KDM4C: variants seen among roughly 807,000 people sequenced by gnomAD.
KDM4C encodes the protein lysine demethylase 4C, also known as lysine-specific demethylase 4C.
A neutral mutation model predicts 129.3 loss-of-function variants in KDM4C; 81 were observed. The observed-to-expected ratio is 0.63, with a 90% CI of 0.52 to 0.75. KDM4C has a LOEUF of 0.75. KDM4C is among the 30% of genes least tolerant of loss of function. The pLI is 0.00. For missense variants in KDM4C, 1,457 were observed against 1,304.0 expected (o/e 1.12, Z -1.81); for synonymous variants, 573 against 456.1 (o/e 1.26, Z -3.26).
intron 17 of KDM4C, among the ~76,000 whole-genome samples, chr9:7,082,797 C>G (rs1285435327): frequency 2.0e-5 from 3 of 152,086 alleles, no homozygotes; most frequent in African/African-American, 7.2e-5. Flanking sequence ...TAGCAAAACA[C>G]AGAGCTGACA....
intron 17 of KDM4C, among the ~76,000 whole-genome samples, chr9:7,079,145 G>A (rs528963496): frequency 4.6e-5 from 7 of 152,240 alleles, no homozygotes; most frequent in African/African-American, 1.7e-4. Flanking sequence ...GTCTGCCAGG[G>A]GCCAACCTTG....
chr9:7,052,898 A>AGAGAGAGAGAGAGAGC (rs1477487723), intron 17 of KDM4C, among the ~76,000 whole-genome samples: 57 of 47,520 alleles, frequency 1.2e-3, no homozygotes, highest in Non-Finnish European at 3.2e-3. Context: ...AGAGAGAGAG[A>AGAGAGAGAGAGAGAGC]GAGCGAGCGA....
chr9:6,946,744 AT>A (rs1356091803), intron 8 of KDM4C, among the ~76,000 whole-genome samples: 1 of 151,994 alleles, frequency 6.6e-6, no homozygotes, highest in Non-Finnish European at 1.5e-5. Context: ...TTCATTATGA[AT>A]TTTCTTTTAC....
intron 8 of KDM4C, among the ~76,000 whole-genome samples, chr9:6,948,950 G>A (rs558463363): frequency 6.6e-6 from 1 of 150,548 alleles, no homozygotes; most frequent in South Asian, 2.1e-4. Flanking sequence ...TTCTCTATTC[G>A]ACGAAACCGC....
chr9:6,989,267 T>C (rs1466989293), intron 11 of KDM4C, among the ~76,000 whole-genome samples: 1 of 152,236 alleles, frequency 6.6e-6, no homozygotes, highest in Non-Finnish European at 1.5e-5. Flanking sequence ...AGTTTCCCTA[T>C]ATCTGGCCAC....
intron 8 of KDM4C, among the ~76,000 whole-genome samples, chr9:6,927,052 A>G (rs988773833): frequency 6.6e-6 from 1 of 152,120 alleles, no homozygotes; most frequent in African/African-American, 2.4e-5. Flanking sequence ...AACAGAAGAA[A>G]ATTAACCCCT....
Position 7,174,801 on chromosome 9 carries a change from C to A in KDM4C, c.*72C>A. ...AGAAGATGAAGGGACATCCTTGGGG[C>A]TGTGCCGTGAGTTTTGCTGGCATAG... On this transcript the variant is annotated 3_prime_UTR_variant, in exon 22 of 22. Transcript: ENST00000381309. 1 of 1,368,456 alleles carries A rather than the reference C, an allele frequency of 7.3e-7. No homozygotes were observed. Among genetic ancestry groups the A allele is most frequent in the Non-Finnish European group, 1.0e-6 (1 of 978,246 alleles). The allele number at this position is 1,368,456 out of a possible 1,614,324, so 84.8% of individuals were successfully genotyped here.
chr9:6,912,138 G>A (rs1024421419), intron 8 of KDM4C, among the ~76,000 whole-genome samples: 1 of 152,158 alleles, frequency 6.6e-6, no homozygotes, highest in African/African-American at 2.4e-5. Context: ...GGGCCTTCAT[G>A]GTGCCTTGCT....
At chr9:7,067,300 A>C (rs534231351) in intron 17 of KDM4C, among the ~76,000 whole-genome samples, 19 of 152,364 alleles carry the variant, frequency 1.2e-4, no homozygotes, top group Admixed American at 9.1e-4. Flanking sequence ...GCTGTGGTGC[A>C]TAACATAACC....
chr9:6,989,850 T>G (rs540112151), intron 11 of KDM4C, among the ~76,000 whole-genome samples: 63 of 152,204 alleles, frequency 4.1e-4, no homozygotes, highest in African/African-American at 1.4e-3. Context: ...TCTTGGCTCA[T>G]TGCAGCCTCC....
At chr9:7,098,939 G>A (rs1205046933) in intron 17 of KDM4C, among the ~76,000 whole-genome samples, 1 of 151,500 alleles carries the variant, frequency 6.6e-6, no homozygotes, top group Admixed American at 6.6e-5. Flanking sequence ...TGTATTTAAG[G>A]ACTTGGAGCA....
intron 8 of KDM4C, among the ~76,000 whole-genome samples, chr9:6,912,876 TA>T (rs1353361001): frequency 2.6e-5 from 4 of 152,330 alleles, no homozygotes; most frequent in East Asian, 1.9e-4. Context: ...AGGAAAAGAA[TA>T]TTTTTTTTCA....
chr9:6,993,884 G>A (rs1039401951), intron 12 of KDM4C, among the ~76,000 whole-genome samples: 5 of 152,170 alleles, frequency 3.3e-5, no homozygotes, highest in Admixed American at 2.6e-4. Flanking sequence ...GAAACCAGTT[G>A]TCATTCAATG....
At chr9:7,050,605 A>T (rs1235680129) in intron 17 of KDM4C, among the ~76,000 whole-genome samples, 1 of 152,104 alleles carries the variant, frequency 6.6e-6, no homozygotes, top group Admixed American at 6.6e-5. Context: ...TTTTCTGATT[A>T]TAAAAGTAAT....
At chr9:6,780,697 G>A (rs753313853) in intron 1 of KDM4C, among the ~76,000 whole-genome samples, 5 of 144,580 alleles carry the variant, frequency 3.5e-5, no homozygotes, top group South Asian at 2.3e-4. Context: ...GAACCAGGGA[G>A]GTAGAGGTTG....
intron 12 of KDM4C, among the ~76,000 whole-genome samples, chr9:6,997,401 C>G (rs1002493077): frequency 3.9e-5 from 6 of 152,182 alleles, no homozygotes; most frequent in Non-Finnish European, 8.8e-5. Context: ...CAGAAACAAA[C>G]AAAAACAAGA....
chr9:7,131,206 C>T (rs143022131), intron 19 of KDM4C, among the ~76,000 whole-genome samples: 1 of 152,260 alleles, frequency 6.6e-6, no homozygotes, highest in East Asian at 1.9e-4. Context: ...GTTCCCCGTT[C>T]CAGGCTCCTA....
intron 14 of KDM4C, among the ~76,000 whole-genome samples, chr9:7,015,242 A>G (rs1345794132): frequency 2.0e-5 from 3 of 152,162 alleles, no homozygotes; most frequent in African/African-American, 7.2e-5. Context: ...AATATTAAAA[A>G]TTACTCATTT....
intron 2 of KDM4C, among the ~76,000 whole-genome samples, chr9:6,797,077 C>G (rs1272147602): frequency 2.6e-5 from 4 of 151,682 alleles, no homozygotes; most frequent in Non-Finnish European, 5.9e-5. Context: ...CTCCCAGGCT[C>G]AAGCAAGTAG....
Sources: allele counts gnomAD v4.1 joint callset (sites outside exome capture counted in the v4.1 genomes callset), GRCh38; gene constraint gnomAD v4.1.1; transcripts MANE v1.5; gene names NCBI Gene and HGNC (gene_info 2026-07-23, HGNC 2026-07-21).